The following TAFA2 variants were observed in gnomAD, a reference collection of about 807,000 sequenced individuals.
The protein encoded by TAFA2 is TAFA chemokine like family member 2, also known as chemokine-like protein TAFA-2.
TAFA2 carries 7 observed loss-of-function variants against 18.8 expected under a neutral mutation model. The ratio of observed to expected loss-of-function variants is 0.37; its 90% CI spans 0.21 to 0.70. The LOEUF (loss-of-function observed/expected upper bound fraction) is 0.70. Ranked by LOEUF, TAFA2 falls within the 30% of genes least tolerant of loss-of-function variation. TAFA2 has a pLI of 0.53. For missense variants in TAFA2, 122 were observed against 158.1 expected (o/e 0.77, Z 1.23); for synonymous variants, 60 against 54.2 (o/e 1.11, Z -0.47).
chr12:62,107,816 T>C (rs545899909), intron 1 of TAFA2, among the ~76,000 whole-genome samples: 1 of 152,264 alleles, frequency 6.6e-6, no homozygotes, highest in South Asian at 2.1e-4. Context: ...CAAATTACTG[T>C]AGTATTTGTT....
chr12:61,838,996 A>G (rs943155113), intron 2 of TAFA2, among the ~76,000 whole-genome samples: 1 of 152,006 alleles, frequency 6.6e-6, no homozygotes, highest in African/African-American at 2.4e-5. Flanking sequence ...CCTTAGGGGG[A>G]AAAAGAAATA....
At chr12:61,894,062 G>A (rs915000386) in intron 1 of TAFA2, among the ~76,000 whole-genome samples, 3 of 151,388 alleles carry the variant, frequency 2.0e-5, no homozygotes, top group African/African-American at 7.3e-5. Flanking sequence ...ACACTGTCCA[G>A]GCTAAACAGG....
chr12:62,056,283 T>C (rs1437766554), intron 1 of TAFA2, among the ~76,000 whole-genome samples: 2 of 152,204 alleles, frequency 1.3e-5, no homozygotes, highest in Non-Finnish European at 2.9e-5. Flanking sequence ...CCTTCTTCAA[T>C]TTAGCAAAAT....
chr12:62,206,808 G>A (rs2062693518), intron 1 of TAFA2: 1 of 152,164 alleles, frequency 6.6e-6, no homozygotes, highest in South Asian at 2.1e-4. Context: ...CAGTGGTTAT[G>A]TCATCTTTGG....
chr12:61,795,413 A>C (rs945381377), intron 2 of TAFA2, among the ~76,000 whole-genome samples: 1 of 152,170 alleles, frequency 6.6e-6, no homozygotes, highest in African/African-American at 2.4e-5. Flanking sequence ...AAAAAGGATG[A>C]GTTCATGTCC....
At chr12:61,881,805 G>T (rs2121272755) in intron 1 of TAFA2, among the ~76,000 whole-genome samples, 1 of 151,622 alleles carries the variant, frequency 6.6e-6, no homozygotes, top group East Asian at 1.9e-4. Flanking sequence ...AGAACATTCT[G>T]CATGTCAAAT....
At chr12:62,236,252 GTTTTTTTTCTTT>G (rs758194435) in intron 1 of TAFA2, among the ~76,000 whole-genome samples, 59 of 134,988 alleles carry the variant, frequency 4.4e-4, no homozygotes, top group Middle Eastern at 3.8e-3. Flanking sequence ...GCCTTCAAAT[GTTTTTTTTCTTT>G]TTTTTTTCTT....
chr12:62,046,753 G>A (rs1199358573), intron 1 of TAFA2, among the ~76,000 whole-genome samples: 1 of 152,076 alleles, frequency 6.6e-6, no homozygotes. Context: ...AACACTATGT[G>A]ATGGAAGGAT....
intron 2 of TAFA2, among the ~76,000 whole-genome samples, chr12:61,835,576 T>C (rs574107954): frequency 6.6e-6 from 1 of 152,008 alleles, no homozygotes; most frequent in Non-Finnish European, 1.5e-5. Flanking sequence ...TTTCCACACA[T>C]GACCATGATT....
At chr12:61,863,106 C>T (rs1045042662) in intron 2 of TAFA2, among the ~76,000 whole-genome samples, 1 of 152,046 alleles carries the variant, frequency 6.6e-6, no homozygotes, top group Non-Finnish European at 1.5e-5. Context: ...CTAGCATATC[C>T]CAGAAAGGGG....
rs746228637 is a variant in TAFA2 at position 61,834,302 on chromosome 12, G to A, written c.106+33018C>T. 3.3e-5 allele frequency among the ~76,000 whole-genome samples: 5 copies of A among 152,110 alleles called. No homozygotes were observed. In the East Asian group the frequency reaches 5.8e-4, roughly 18 times the overall value. On this transcript the variant is annotated intron_variant, in intron 2 of 4. Transcript: ENST00000416284. ...ACTCAGGAGAAATAAAAATCTGGCC[G>A]CATAAGCAGGAAGTCAGAAAGATCA...
At chr12:62,134,695 A>C (rs1870826932) in intron 1 of TAFA2, among the ~76,000 whole-genome samples, 1 of 152,238 alleles carries the variant, frequency 6.6e-6, no homozygotes, top group Middle Eastern at 3.4e-3. Context: ...CCATGAAGGC[A>C]GGGAGCACGT....
intron 1 of TAFA2, among the ~76,000 whole-genome samples, chr12:62,156,862 C>T (rs1254853975): frequency 2.0e-5 from 3 of 152,036 alleles, no homozygotes; most frequent in Non-Finnish European, 4.4e-5. Flanking sequence ...AACTAAATAC[C>T]GCCTGTACCC....
chr12:62,056,245 G>C (rs540130174), intron 1 of TAFA2, among the ~76,000 whole-genome samples: 6 of 152,138 alleles, frequency 3.9e-5, no homozygotes, highest in Non-Finnish European at 8.8e-5. Context: ...ACAATAGCTT[G>C]CTACATCGCC....
At chr12:61,839,405 C>T (rs979577356) in intron 2 of TAFA2, among the ~76,000 whole-genome samples, 1 of 152,004 alleles carries the variant, frequency 6.6e-6, no homozygotes, top group Non-Finnish European at 1.5e-5. Flanking sequence ...TGGGCATATA[C>T]TCAAAGGATA....
intron 1 of TAFA2, among the ~76,000 whole-genome samples, chr12:61,916,245 G>C (rs568320468): frequency 1.0e-3 from 158 of 152,308 alleles, no homozygotes; most frequent in Non-Finnish European, 1.7e-3. Context: ...CTTGGGGTCT[G>C]ATAGATCTGT....
intron 4 of TAFA2, among the ~76,000 whole-genome samples, chr12:61,734,815 G>A (rs1199469658): frequency 6.6e-6 from 1 of 151,868 alleles, no homozygotes; most frequent in East Asian, 1.9e-4. Flanking sequence ...ATTTGTAAGT[G>A]TACAGTTCAG....
chr12:62,212,077 T>C (rs1388661202), intron 1 of TAFA2, among the ~76,000 whole-genome samples: 1 of 152,166 alleles, frequency 6.6e-6, no homozygotes, highest in African/African-American at 2.4e-5. Flanking sequence ...AGTCAAGCAA[T>C]AAATATTGTT....
At chr12:62,094,145 A>G (rs138326051) in intron 1 of TAFA2, among the ~76,000 whole-genome samples, 3 of 152,230 alleles carry the variant, frequency 2.0e-5, no homozygotes, top group Non-Finnish European at 4.4e-5. Context: ...TCTCAGGGTT[A>G]TGCTTCTCAA....
Sources: allele counts gnomAD v4.1 joint callset (sites outside exome capture counted in the v4.1 genomes callset), GRCh38; gene constraint gnomAD v4.1.1; transcripts MANE v1.5; gene names NCBI Gene and HGNC (gene_info 2026-07-23, HGNC 2026-07-21).